The following LRRC69 variants were observed in gnomAD, a reference collection of about 807,000 sequenced individuals.
LRRC69 encodes the protein leucine rich repeat containing 69, also known as leucine-rich repeat-containing protein 69.
In LRRC69, 42 loss-of-function variants were observed where a neutral mutation model predicts 37.8. That is an observed-to-expected ratio of 1.11 (90% CI 0.87 to 1.44). LRRC69 has a LOEUF of 1.44. Among genes scored for constraint, LRRC69 ranks in the 40% most tolerant of loss-of-function variants. The pLI, the probability that LRRC69 is intolerant of heterozygous loss-of-function variation, is 0.00. For synonymous variants in LRRC69, 141 were observed against 143.1 expected (o/e 0.99, Z 0.11); for missense variants, 357 against 401.9 (o/e 0.89, Z 0.96).
chr8:91,114,527 A>G (rs1397391901), intron 1 of LRRC69, among the ~76,000 whole-genome samples: 1 of 152,064 alleles, frequency 6.6e-6, no homozygotes, highest in Non-Finnish European at 1.5e-5. Context: ...TGAACCACAT[A>G]TATGACAGTG....
At position 91,169,512 on chromosome 8, in the gene LRRC69, G is replaced by C. The variant is rs116548375; in HGVS notation, c.652-20010G>C. ...AAGGAGCATGAGTACATGTACATAT[G>C]TGTGTATATAATTTTTTTTTTATTA... On this transcript the variant is annotated intron_variant, in intron 5 of 7. Transcript: ENST00000448384. Among the ~76,000 whole-genome samples, 814 of 137,106 alleles carry C rather than the reference G, an allele frequency of 5.9e-3. 5 individuals are homozygous for C. The highest frequency in any genetic ancestry group is 0.02 in the African/African-American group (787 of 38,710). The allele number at this position is 137,106 out of a possible 152,430, so 89.9% of individuals were successfully genotyped here.
chr8:91,131,244 T>TTG (rs1554590361), intron 3 of LRRC69, among the ~76,000 whole-genome samples: 33 of 151,124 alleles, frequency 2.2e-4, no homozygotes, highest in African/African-American at 7.3e-4. Flanking sequence ...TCTTTTTTTT[T>TTG]TTTTGTTTTG....
At chr8:91,118,768 C>G (rs1049182979) in intron 1 of LRRC69, among the ~76,000 whole-genome samples, 3 of 152,066 alleles carry the variant, frequency 2.0e-5, no homozygotes, top group African/African-American at 7.2e-5. Context: ...CTAAAGCCTT[C>G]CTTCAGGAAC....
At chr8:91,215,780 A>C (rs896764162) in intron 7 of LRRC69, among the ~76,000 whole-genome samples, 5 of 152,172 alleles carry the variant, frequency 3.3e-5, no homozygotes, top group African/African-American at 1.2e-4. Flanking sequence ...TCTTTGACAA[A>C]ATCATGAGGT....
At chr8:91,214,819 T>C (rs1810009344) in intron 7 of LRRC69, among the ~76,000 whole-genome samples, 1 of 152,076 alleles carries the variant, frequency 6.6e-6, no homozygotes, top group African/African-American at 2.4e-5. Flanking sequence ...TTTTTTTTTT[T>C]TTTACAGTCA....
intron 7 of LRRC69, among the ~76,000 whole-genome samples, chr8:91,218,267 C>T (rs1810091527): frequency 6.6e-6 from 1 of 152,086 alleles, no homozygotes; most frequent in Non-Finnish European, 1.5e-5. Flanking sequence ...AAATGGTAAG[C>T]TTTTGAGGTT....
In LRRC69 at chr8:91,200,636, G is replaced by C. The variant is rs770411030; in HGVS notation, c.777G>C (p.Met259Ile). Residue 259 changes from methionine to isoleucine, a missense_variant, in exon 7 of 8, where the codon ATG (methionine) becomes ATC (isoleucine). Transcript: ENST00000448384. ...AGGAAATAACATCAAGATTTGTAATGAATCAGCTAGCAGAAAATAACCCTT... is the reference window on the plus strand; with the variant it reads ...AGGAAATAACATCAAGATTTGTAATCAATCAGCTAGCAGAAAATAACCCTT... 29 of 1,447,140 alleles carry C rather than the reference G, an allele frequency of 2.0e-5. No homozygotes were observed. Among genetic ancestry groups the C allele is most frequent in the Non-Finnish European group, 1.7e-5 (19 of 1,100,948 alleles). The allele number at this position is 1,447,140 out of a possible 1,614,324, so 89.6% of individuals were successfully genotyped here. A position where few individuals can be genotyped will look rare whatever the true frequency, so the allele number is the denominator to read the frequency against.
chr8:91,174,420 G>T (rs1054949452), intron 5 of LRRC69, among the ~76,000 whole-genome samples: 1 of 152,090 alleles, frequency 6.6e-6, no homozygotes, highest in Non-Finnish European at 1.5e-5. Context: ...CCTTTGAGAG[G>T]CTTTATTTAA....
Position 91,191,978 on chromosome 8 carries a change from A to G in LRRC69, c.753+2355A>G, listed in dbSNP as rs577178743. 4.2e-3 allele frequency among the ~76,000 whole-genome samples: 605 copies of G among 144,364 alleles called. 2 individuals are homozygous for G. Among genetic ancestry groups the G allele is most frequent in the African/African-American group, 0.015 (580 of 39,216 alleles). The allele number at this position is 144,364 out of a possible 152,430, so 94.7% of individuals were successfully genotyped here. On this transcript the variant is annotated intron_variant, in intron 6 of 7. Coordinates refer to ENST00000448384, the Ensembl canonical transcript of LRRC69. ...TCATCTAGCATTAGGTATATCTCCC[A>G]ATGCTATCCCTCCCCCCTCCCCCCA...
intron 5 of LRRC69, among the ~76,000 whole-genome samples, chr8:91,153,543 A>T (rs537622686): frequency 6.6e-6 from 1 of 151,978 alleles, no homozygotes; most frequent in East Asian, 1.9e-4. Flanking sequence ...TCAAATTAGA[A>T]CTCAAGATTA....
chr8:91,149,641 T>C lies in LRRC69; in HGVS notation c.651+13902T>C, dbSNP rs547150703. Reference sequence around the variant, plus strand: ...GTGAAGAAAGTCATTGTTAGCTTGATGGGGATGGCATTGAATCTATAAATT... The same window carrying C: ...GTGAAGAAAGTCATTGTTAGCTTGACGGGGATGGCATTGAATCTATAAATT... On this transcript the variant is annotated intron_variant, in intron 5 of 7. Coordinates refer to ENST00000448384, the Ensembl canonical transcript of LRRC69. Among the ~76,000 whole-genome samples, 33 of 152,154 alleles carry C rather than the reference T, an allele frequency of 2.2e-4. No individual in the cohort carries two copies. The South Asian group carries it at 4.1e-3, about 19-fold the overall frequency.
At chr8:91,148,321 G>A (rs13281078) in intron 5 of LRRC69, among the ~76,000 whole-genome samples, 2 of 151,270 alleles carry the variant, frequency 1.3e-5, no homozygotes, top group Non-Finnish European at 2.9e-5. Flanking sequence ...CTATGAGTAA[G>A]AACATGCAGT....
intron 7 of LRRC69, among the ~76,000 whole-genome samples, chr8:91,202,372 G>T (rs780777173): frequency 2.0e-5 from 3 of 152,184 alleles, no homozygotes; most frequent in Non-Finnish European, 2.9e-5. Flanking sequence ...ACTTTTGGGG[G>T]CACTGGATGT....
chr8:91,156,645 AAAAT>A (rs1007186221), intron 5 of LRRC69, among the ~76,000 whole-genome samples: 2 of 151,016 alleles, frequency 1.3e-5, no homozygotes, highest in African/African-American at 4.8e-5. Flanking sequence ...CTTTTTAAAA[AAAAT>A]ATTCTTTCTA....
At chr8:91,158,178 C>G (rs1808870467) in intron 5 of LRRC69, 3 of 1,604,212 alleles carry the variant, frequency 1.9e-6, no homozygotes, top group Non-Finnish European at 2.6e-6. Context: ...GGAGCTGGAA[C>G]AGAGGATTCT....
intron 7 of LRRC69, among the ~76,000 whole-genome samples, chr8:91,213,440 G>C (rs1809973660): frequency 6.6e-6 from 1 of 152,196 alleles, no homozygotes; most frequent in Admixed American, 6.5e-5. Context: ...CAGTACTCAT[G>C]TCACTTATCA....
chr8:91,133,922 G>A (rs1407282406), intron 4 of LRRC69, among the ~76,000 whole-genome samples: 8 of 151,964 alleles, frequency 5.3e-5, no homozygotes, highest in Non-Finnish European at 8.8e-5. Flanking sequence ...GTGAGCCACC[G>A]CACCCAGCCT....
intron 5 of LRRC69, among the ~76,000 whole-genome samples, chr8:91,170,478 C>T (rs1809108533): frequency 8.6e-6 from 1 of 116,710 alleles, no homozygotes; most frequent in Non-Finnish European, 1.8e-5. Context: ...AAGCTGGAGG[C>T]ATCACACTAC....
intron 5 of LRRC69, among the ~76,000 whole-genome samples, chr8:91,146,554 C>T (rs1808623099): frequency 1.3e-5 from 2 of 151,430 alleles, no homozygotes; most frequent in Non-Finnish European, 2.9e-5. Flanking sequence ...CTTACATCTC[C>T]AAGTAATCTC....
Sources: allele counts gnomAD v4.1 joint callset (sites outside exome capture counted in the v4.1 genomes callset), GRCh38; gene constraint gnomAD v4.1.1; transcripts MANE v1.5; gene names NCBI Gene and HGNC (gene_info 2026-07-23, HGNC 2026-07-21).